FAM124B: variants seen among roughly 807,000 people sequenced by gnomAD.
The protein encoded by FAM124B is family with sequence similarity 124 member B.
In FAM124B, 18 loss-of-function variants were observed where a neutral mutation model predicts 19.7. The observed-to-expected ratio is 0.92, with a 90% CI of 0.63 to 1.36. The LOEUF is 1.36. Ranked by LOEUF, FAM124B falls within the 40% of genes most tolerant of loss-of-function variation. The pLI is 0.00. For synonymous variants in FAM124B, 223 were observed against 225.2 expected, an observed-to-expected ratio of 0.99 and a Z score of 0.09; for missense variants, 540 against 553.3, an observed-to-expected ratio of 0.98 and a Z score of 0.24.
intron 1 of FAM124B, among the ~76,000 whole-genome samples, chr2:224,389,020 C>A (rs1244049843): frequency 6.6e-6 from 1 of 152,194 alleles, no homozygotes; most frequent in Non-Finnish European, 1.5e-5. Flanking sequence ...GCAGCCTCCA[C>A]CTCCCAGGCT....
chr2:224,381,622 C>T (rs1689719208), intron 1 of FAM124B, among the ~76,000 whole-genome samples: 1 of 152,140 alleles, frequency 6.6e-6, no homozygotes, highest in South Asian at 2.1e-4. Flanking sequence ...CATCCTTATA[C>T]ATTTGTCCAA....
intron 1 of FAM124B, among the ~76,000 whole-genome samples, chr2:224,395,986 C>G (rs1251543595): frequency 1.3e-5 from 2 of 152,230 alleles, no homozygotes; most frequent in African/African-American, 2.4e-5. Context: ...ATTCATAGGA[C>G]TCATCAGTGA....
intron 1 of FAM124B, among the ~76,000 whole-genome samples, chr2:224,396,262 C>T (rs1689968081): frequency 6.6e-6 from 1 of 152,114 alleles, no homozygotes; most frequent in Non-Finnish European, 1.5e-5. Context: ...GTTTGCTGAG[C>T]ATGGCCTGCT....
intron 1 of FAM124B, among the ~76,000 whole-genome samples, chr2:224,384,452 A>C (rs565945124): frequency 3.3e-5 from 5 of 151,826 alleles, no homozygotes; most frequent in African/African-American, 1.2e-4. Flanking sequence ...AAATCTCCCC[A>C]CCTTTCATCC....
intron 1 of FAM124B, among the ~76,000 whole-genome samples, chr2:224,385,795 C>T (rs190993728): frequency 3.9e-4 from 59 of 152,296 alleles, no homozygotes; most frequent in African/African-American, 1.4e-3. Flanking sequence ...CTCCATACCC[C>T]GGGTACAACC....
intron 1 of FAM124B, among the ~76,000 whole-genome samples, chr2:224,399,180 T>G (rs542711688): frequency 2.0e-5 from 3 of 152,330 alleles, no homozygotes; most frequent in Non-Finnish European, 4.4e-5. Context: ...AGCAAAAATG[T>G]CAGTCAGCCT....
In FAM124B at chr2:224,401,379, C is replaced by T; in HGVS notation, c.390G>A (p.Gln130=). ...TCAGGATCTCGGAGCCACAGTGCAC[C>T]TGCCTCACCCCCCAGATGGGCAGCT... ...DSQLPIWGVR[Q]VHCGSEILRV... The change falls in exon 1 of 2, where the codon CAG becomes CAA. Residue 130 remains glutamine, a synonymous_variant. Transcript: ENST00000409685. 6.2e-7 allele frequency: 1 copy of T among 1,614,094 alleles called. No homozygotes were observed. Among genetic ancestry groups the T allele is most frequent in the Non-Finnish European group, 8.5e-7 (1 of 1,180,020 alleles).
At chr2:224,382,125 G>A (rs1689731001) in intron 1 of FAM124B, among the ~76,000 whole-genome samples, 1 of 152,296 alleles carries the variant, frequency 6.6e-6, no homozygotes, top group East Asian at 1.9e-4. Flanking sequence ...TAGAATAGAA[G>A]TTGGCAAATA....
chr2:224,390,000 C>A (rs928797377), intron 1 of FAM124B, among the ~76,000 whole-genome samples: 1 of 151,930 alleles, frequency 6.6e-6, no homozygotes, highest in African/African-American at 2.4e-5. Flanking sequence ...AAACATTCTG[C>A]AATGTACAGG....
chr2:224,388,918 C>T (rs1446878044), intron 1 of FAM124B, among the ~76,000 whole-genome samples: 1 of 151,990 alleles, frequency 6.6e-6, no homozygotes. Flanking sequence ...AGAAGTGAGG[C>T]GGCAAAGGGA....
At chr2:224,386,260 A>C (rs1559308524) in intron 1 of FAM124B, among the ~76,000 whole-genome samples, 1 of 152,052 alleles carries the variant, frequency 6.6e-6, no homozygotes, top group South Asian at 2.1e-4. Context: ...GCCAGGGTTC[A>C]TATATATTAT....
At chr2:224,382,973 GC>G (rs1421003719) in intron 1 of FAM124B, among the ~76,000 whole-genome samples, 1 of 152,096 alleles carries the variant, frequency 6.6e-6, no homozygotes, top group Non-Finnish European at 1.5e-5. Flanking sequence ...TGAGTGCAGT[GC>G]CCCAGAGTGT....
Position 224,379,668 on chromosome 2 carries a change from C to T in FAM124B, c.1273G>A (p.Asp425Asn). Residue 425 changes from aspartate (D) to asparagine (N), a missense_variant, in exon 2 of 2, where the codon GAC becomes AAC. Physicochemically the swap from Asp to Asn is conservative, Grantham distance 23. Transcript: ENST00000409685. ...GAAATTGTCTTCCTGGTACCAAGGT[C>T]CCTTTGGCCAGCAAGTGGCAAAGGA... Reference protein sequence around the residue: ...VSPLPLAGQRDLGTRKTISEC... With the variant: ...VSPLPLAGQRNLGTRKTISEC... 1 of 1,551,624 alleles carries T rather than the reference C, an allele frequency of 6.4e-7. No homozygotes were observed. The highest frequency in any genetic ancestry group is 8.7e-7 in the Non-Finnish European group (1 of 1,146,976).
chr2:224,400,428 C>A, intron 1 of FAM124B: 1 of 695,230 alleles, frequency 1.4e-6, no homozygotes, highest in East Asian at 2.7e-5. Flanking sequence ...ATCACTTGAA[C>A]CCAGAAGGTG....
At chr2:224,392,744 G>A (rs1350320097) in intron 1 of FAM124B, among the ~76,000 whole-genome samples, 1 of 150,994 alleles carries the variant, frequency 6.6e-6, no homozygotes, top group East Asian at 1.9e-4. Context: ...AACAGACCAA[G>A]ACTCTGTCTC....
At chr2:224,389,315 T>C (rs967563249) in intron 1 of FAM124B, among the ~76,000 whole-genome samples, 1 of 152,238 alleles carries the variant, frequency 6.6e-6, no homozygotes, top group African/African-American at 2.4e-5. Flanking sequence ...TCTCACCTTT[T>C]GTTATTGAAC....
In FAM124B at chr2:224,395,809, C is replaced by T. The variant is rs115742233; in HGVS notation, c.732+5228G>A. Among the ~76,000 whole-genome samples the T allele has an allele frequency of 8.3e-3, 1,263 of 152,264 alleles. 14 individuals are homozygous for T. Among genetic ancestry groups the T allele is most frequent in the African/African-American group, 0.029 (1,223 of 41,554 alleles). ...CAATGGCAAGAGGTCATGTGGAAAA[C>T]GCATTGCTCACTGGGCGCGCTGGCA... On this transcript the variant is annotated intron_variant, in intron 1 of 1. Transcript: ENST00000409685.
intron 1 of FAM124B, among the ~76,000 whole-genome samples, chr2:224,397,326 TC>T (rs1689989876): frequency 1.3e-5 from 2 of 152,166 alleles, no homozygotes; most frequent in East Asian, 1.9e-4. Flanking sequence ...CTCTTTGCCT[TC>T]CGCCATGATT....
intron 1 of FAM124B, among the ~76,000 whole-genome samples, chr2:224,395,570 C>G (rs1689955707): frequency 6.6e-6 from 1 of 152,174 alleles, no homozygotes; most frequent in Non-Finnish European, 1.5e-5. Context: ...TCATTTTGCA[C>G]CCACTAAGAA....
Sources: gnomAD v4.1 joint callset for allele counts (sites outside exome capture counted in the v4.1 genomes callset) on GRCh38, gnomAD v4.1.1 for gene constraint, MANE v1.5 for transcripts, NCBI Gene and HGNC (gene_info 2026-07-23, HGNC 2026-07-21) for gene names.